The following FOCAD variants were observed in gnomAD, a reference collection of about 807,000 sequenced individuals.
FOCAD encodes focadhesin, also known as KIAA1797.
A neutral mutation model predicts 225.6 loss-of-function variants in FOCAD; 198 were observed. That is an observed-to-expected ratio of 0.88 (90% CI 0.78 to 0.99). FOCAD has a LOEUF of 0.99. Among genes scored for constraint, FOCAD ranks in the 50% least tolerant of loss-of-function variants. The probability of loss-of-function intolerance (pLI) is 0.00; values close to 1 mark genes in which losing one functional copy is unlikely to be tolerated. For synonymous variants in FOCAD, 897 were observed against 755.0 expected, an observed-to-expected ratio of 1.19 and a Z score of -3.08; for missense variants, 2,713 against 2,123.6, an observed-to-expected ratio of 1.28 and a Z score of -5.46.
chr9:20,745,377 A>G (rs1011178308), intron 5 of FOCAD, among the ~76,000 whole-genome samples: 2 of 152,200 alleles, frequency 1.3e-5, no homozygotes, highest in Admixed American at 6.5e-5. Flanking sequence ...GGTGTGAGCC[A>G]TGGCACTGGG....
chr9:20,924,745 A>G (rs1293872171), intron 25 of FOCAD, among the ~76,000 whole-genome samples: 1 of 152,194 alleles, frequency 6.6e-6, no homozygotes, highest in East Asian at 1.9e-4. Context: ...AAGCCCGTGG[A>G]ATTAAAGGCA....
intron 22 of FOCAD, among the ~76,000 whole-genome samples, chr9:20,909,998 T>G (rs566858242): frequency 5.9e-5 from 9 of 152,226 alleles, no homozygotes; most frequent in African/African-American, 2.2e-4. Context: ...AGGTAGATTC[T>G]CCATTACTTC....
chr9:20,804,766 G>T (rs1822228744), intron 11 of FOCAD, among the ~76,000 whole-genome samples: 1 of 151,722 alleles, frequency 6.6e-6, no homozygotes, highest in Admixed American at 6.6e-5. Context: ...TTCAACTGCT[G>T]GAATGAAATA....
chr9:20,698,859 G>C (rs868270119), intron 1 of FOCAD, among the ~76,000 whole-genome samples: 5 of 152,166 alleles, frequency 3.3e-5, no homozygotes, highest in Admixed American at 2.0e-4. Flanking sequence ...TGCAAAAAGT[G>C]TGCTTGATTT....
intron 15 of FOCAD, among the ~76,000 whole-genome samples, chr9:20,831,649 A>G (rs1003208830): frequency 6.6e-6 from 1 of 152,092 alleles, no homozygotes; most frequent in Non-Finnish European, 1.5e-5. Flanking sequence ...ACTGGAGGAA[A>G]GAGGCTCAAT....
At chr9:20,701,761 C>G (rs2131409491) in intron 1 of FOCAD, among the ~76,000 whole-genome samples, 1 of 152,266 alleles carries the variant, frequency 6.6e-6, no homozygotes, top group African/African-American at 2.4e-5. Flanking sequence ...GTTTTGTGCT[C>G]TGGGCAAGGA....
rs192261230 is a variant in FOCAD, at chr9:20,862,051, T to A, written c.1921-527T>A. Among the ~76,000 whole-genome samples the A allele has an allele frequency of 3.9e-5, 6 of 152,216 alleles. No homozygotes were observed. In the East Asian group the frequency reaches 1.2e-3, roughly 29 times the overall value. On this transcript the variant is annotated intron_variant, in intron 15 of 43. Transcript: ENST00000338382. The stretch of plus-strand genomic sequence containing the variant: ...ACTTTTAAGACATCTTAAATTATTA[T>A]GTTAAATACTGTAGTTATTCTCCTA...
At chr9:20,977,153 C>A (rs1840297762) in intron 36 of FOCAD, among the ~76,000 whole-genome samples, 1 of 152,108 alleles carries the variant, frequency 6.6e-6, no homozygotes, top group Non-Finnish European at 1.5e-5. Flanking sequence ...CAATAGAGGG[C>A]TAAGATCTTC....
At chr9:20,682,822 G>A (rs1269488814), upstream of FOCAD, among the ~76,000 whole-genome samples, 1 of 152,202 alleles carries the variant, frequency 6.6e-6, no homozygotes, top group African/African-American at 2.4e-5. Flanking sequence ...AGAGGCTGGA[G>A]TGCAGTGGCG....
chr9:20,871,089 A>C (rs1829721734), intron 18 of FOCAD, among the ~76,000 whole-genome samples: 1 of 151,982 alleles, frequency 6.6e-6, no homozygotes, highest in Non-Finnish European at 1.5e-5. Flanking sequence ...CTGTAATCCC[A>C]GCTACTCGGG....
chr9:20,713,531 G>A (rs2131494668), intron 1 of FOCAD, among the ~76,000 whole-genome samples: 1 of 151,940 alleles, frequency 6.6e-6, no homozygotes, highest in African/African-American at 2.4e-5. Context: ...TTTTTAATTA[G>A]CACTTACCAT....
chr9:20,701,509 A>T (rs1823943030), intron 1 of FOCAD, among the ~76,000 whole-genome samples: 4 of 145,026 alleles, frequency 2.8e-5, no homozygotes. Flanking sequence ...TTAAAAAAAC[A>T]GAAAATGTAG....
intron 24 of FOCAD, among the ~76,000 whole-genome samples, chr9:20,918,470 T>A (rs1362037174): frequency 6.6e-6 from 1 of 152,204 alleles, no homozygotes; most frequent in Non-Finnish European, 1.5e-5. Context: ...ACGCCTGTAA[T>A]CCCAGCACTT....
intron 35 of FOCAD, among the ~76,000 whole-genome samples, chr9:20,970,109 C>T (rs1462820196): frequency 6.6e-6 from 1 of 151,672 alleles, no homozygotes; most frequent in Non-Finnish European, 1.5e-5. Flanking sequence ...TGAATCACTT[C>T]TCTTTGCTGC....
chr9:20,918,984 G>A (rs1834123487), intron 24 of FOCAD, among the ~76,000 whole-genome samples: 1 of 152,016 alleles, frequency 6.6e-6, no homozygotes, highest in African/African-American at 2.4e-5. Flanking sequence ...AGGCTGGTTT[G>A]GGTCAGGGTA....
At chr9:20,974,835 A>G in intron 35 of FOCAD, among the ~76,000 whole-genome samples, 1 of 150,780 alleles carries the variant, frequency 6.6e-6, no homozygotes, top group South Asian at 2.1e-4. Context: ...TGCTGTTTTC[A>G]CGTTTGCTGA....
At chr9:20,809,835 G>T (rs1337623841) in intron 11 of FOCAD, among the ~76,000 whole-genome samples, 1 of 149,656 alleles carries the variant, frequency 6.7e-6, no homozygotes, top group Non-Finnish European at 1.5e-5. Flanking sequence ...TTTGATGGCT[G>T]GATATGTAAC....
intron 6 of FOCAD, among the ~76,000 whole-genome samples, chr9:20,761,973 A>G (rs1350982774): frequency 6.6e-6 from 1 of 152,208 alleles, no homozygotes; most frequent in Admixed American, 6.5e-5. Context: ...TAAAATCAGA[A>G]CAGATTAAGC....
intron 11 of FOCAD, among the ~76,000 whole-genome samples, chr9:20,801,430 C>G (rs769510258): frequency 3.9e-5 from 6 of 152,116 alleles, no homozygotes; most frequent in Non-Finnish European, 8.8e-5. Flanking sequence ...GATCCACCTG[C>G]CTTGGCCTCC....
Sources: allele counts gnomAD v4.1 joint callset (sites outside exome capture counted in the v4.1 genomes callset), GRCh38; gene constraint gnomAD v4.1.1; transcripts MANE v1.5; gene names NCBI Gene and HGNC (gene_info 2026-07-23, HGNC 2026-07-21).